Variants in ALDH1A2 observed in about 807,000 individuals in gnomAD.
ALDH1A2 encodes retinal dehydrogenase 2.
A neutral mutation model predicts 60.3 loss-of-function variants in ALDH1A2; 27 were observed. The ratio of observed to expected loss-of-function variants is 0.45; its 90% confidence interval spans 0.33 to 0.62. The LOEUF (loss-of-function observed/expected upper bound fraction) is 0.62, where lower values mean the gene tolerates loss of function less well. Among genes scored for constraint, ALDH1A2 ranks in the 20% least tolerant of loss-of-function variants. The pLI is 0.02. For synonymous variants in ALDH1A2, 289 were observed against 232.4 expected (o/e 1.24, Z -2.21); for missense variants, 581 against 643.8 (o/e 0.90, Z 1.06).
intron 1 of ALDH1A2, among the ~76,000 whole-genome samples, chr15:58,027,247 C>A: frequency 6.6e-6 from 1 of 152,124 alleles, no homozygotes; most frequent in East Asian, 1.9e-4. Context: ...GCTGGTGATA[C>A]CCAGGCAAAC....
At chr15:57,960,635 T>C (rs1893686416) in intron 12 of ALDH1A2, 135 bp downstream of exon 12, 1 of 749,898 alleles carries the variant, frequency 1.3e-6, no homozygotes, top group Non-Finnish European at 2.3e-6. Context: ...ACTTAGCTTA[T>C]AGTAGCATGT....
intron 1 of ALDH1A2, among the ~76,000 whole-genome samples, chr15:58,032,939 G>T (rs533247874): frequency 5.3e-5 from 8 of 151,960 alleles, no homozygotes; most frequent in Non-Finnish European, 8.8e-5. Flanking sequence ...GACAAATATT[G>T]CATGTTCTCA....
intron 1 of ALDH1A2, among the ~76,000 whole-genome samples, chr15:58,029,757 C>A (rs1896181148): frequency 6.6e-6 from 1 of 152,150 alleles, no homozygotes; most frequent in Non-Finnish European, 1.5e-5. Context: ...ATACTATAAA[C>A]ACCTCTATGC....
At chr15:58,063,913 G>A (rs1566965433) in intron 1 of ALDH1A2, among the ~76,000 whole-genome samples, 1 of 152,152 alleles carries the variant, frequency 6.6e-6, no homozygotes, top group African/African-American at 2.4e-5. Flanking sequence ...CCTACTGGGG[G>A]AGAACAAGAG....
rs76557722 is a variant in ALDH1A2, at chr15:57,973,355, T to C, written c.799-7528A>G. Among the ~76,000 whole-genome samples the C allele has an allele frequency of 6.4e-3, 969 of 152,336 alleles. 14 individuals are homozygous for C. Among genetic ancestry groups the C allele is most frequent in the African/African-American group, 0.021 (890 of 41,560 alleles). On this transcript the variant is annotated intron_variant, in intron 7 of 12. Transcript: ENST00000249750. ...TGTTGGCTTTCTAAAGGCCTTTTGC[T>C]TTAGTAAAATGGAAAGCAGCCACCT...
chr15:57,956,674 G>A (rs538131962), intron 12 of ALDH1A2, among the ~76,000 whole-genome samples: 1 of 152,238 alleles, frequency 6.6e-6, no homozygotes, highest in Non-Finnish European at 1.5e-5. Context: ...CAGTCTCGGA[G>A]TCTCTTTATT....
rs575581205 is a variant in ALDH1A2, at chr15:58,034,464, T to C, written c.118-20183A>G. 5.3e-5 allele frequency among the ~76,000 whole-genome samples: 8 copies of C among 151,824 alleles called. No individual in the cohort carries two copies. In the East Asian group the frequency reaches 1.6e-3, roughly 29 times the overall value. On this transcript the variant is annotated intron_variant, in intron 1 of 12. Transcript: ENST00000249750. The stretch of plus-strand genomic sequence containing the variant: ...CCTTCCCAGTCTGTATACATTTTCT[T>C]TTCTTACTGCATTAACTAGAACTTC...
intron 1 of ALDH1A2, among the ~76,000 whole-genome samples, chr15:58,015,379 T>C (rs2087035112): frequency 6.6e-6 from 1 of 152,248 alleles, no homozygotes; most frequent in Non-Finnish European, 1.5e-5. Context: ...TGAGCCCATG[T>C]AGAAGGAGGC....
chr15:57,968,579 T>A (rs1414288814), intron 7 of ALDH1A2, among the ~76,000 whole-genome samples: 2 of 152,254 alleles, frequency 1.3e-5, no homozygotes, highest in South Asian at 2.1e-4. Context: ...TCAAAGTAGG[T>A]AGGAATATCA....
At chr15:57,986,571 C>CAAAAAAAAAAAAAAAAAAAAAAAAAAACA (rs71116542) in intron 7 of ALDH1A2, among the ~76,000 whole-genome samples, 1 of 82,076 alleles carries the variant, frequency 1.2e-5, no homozygotes, top group Non-Finnish European at 2.2e-5. Context: ...ACAGAAAAGC[C>CAAAAAAAAAAAAAAAAAAAAAAAAAAACA]AAAAAAAAAA....
intron 7 of ALDH1A2, among the ~76,000 whole-genome samples, chr15:57,984,806 A>C (rs1894641649): frequency 6.6e-6 from 1 of 152,228 alleles, no homozygotes; most frequent in Non-Finnish European, 1.5e-5. Flanking sequence ...AATTAGGAAT[A>C]ATACTGCTGT....
intron 7 of ALDH1A2, among the ~76,000 whole-genome samples, chr15:57,983,431 G>C (rs1423067804): frequency 1.3e-5 from 2 of 152,138 alleles, no homozygotes; most frequent in Non-Finnish European, 2.9e-5. Context: ...TCTCCAAAGA[G>C]ATTAATGTTA....
At chr15:57,979,514 C>T (rs1247215935) in intron 7 of ALDH1A2, among the ~76,000 whole-genome samples, 1 of 152,142 alleles carries the variant, frequency 6.6e-6, no homozygotes, top group African/African-American at 2.4e-5. Flanking sequence ...TTGACCCCTT[C>T]TCCTCCACAG....
chr15:58,006,524 G>A (rs1895464034), intron 4 of ALDH1A2, among the ~76,000 whole-genome samples: 1 of 151,794 alleles, frequency 6.6e-6, no homozygotes, highest in South Asian at 2.1e-4. Flanking sequence ...CCCTGGGTAG[G>A]TACACCCATT....
intron 7 of ALDH1A2, among the ~76,000 whole-genome samples, chr15:57,987,301 CTATA>C: frequency 6.6e-6 from 1 of 151,428 alleles, no homozygotes; most frequent in Non-Finnish European, 1.5e-5. Flanking sequence ...TTGATGAAAA[CTATA>C]AACTCACAGA....
intron 7 of ALDH1A2, among the ~76,000 whole-genome samples, chr15:57,985,286 A>T (rs974387498): frequency 1.3e-5 from 2 of 151,968 alleles, no homozygotes; most frequent in Admixed American, 1.3e-4. Flanking sequence ...TTTCTTCCCA[A>T]TTCACTCTAC....
chr15:57,984,343 T>C (rs535404462), intron 7 of ALDH1A2, among the ~76,000 whole-genome samples: 1 of 152,376 alleles, frequency 6.6e-6, no homozygotes, highest in South Asian at 2.1e-4. Flanking sequence ...TTTAATACTT[T>C]GTAAAATTAA....
chr15:57,966,632 T>C (rs1229766393), intron 7 of ALDH1A2, among the ~76,000 whole-genome samples: 1 of 152,206 alleles, frequency 6.6e-6, no homozygotes, highest in Non-Finnish European at 1.5e-5. Flanking sequence ...AGAAGCCCTC[T>C]TCCAAGTGGC....
chr15:58,017,791 T>C (rs1334140636), intron 1 of ALDH1A2, among the ~76,000 whole-genome samples: 1 of 151,854 alleles, frequency 6.6e-6, no homozygotes, highest in African/African-American at 2.4e-5. Context: ...TTATTCTTAC[T>C]TCTGTAAATT....
Sources: gnomAD v4.1 joint callset for allele counts (sites outside exome capture counted in the v4.1 genomes callset) on GRCh38, gnomAD v4.1.1 for gene constraint, MANE v1.5 for transcripts, NCBI Gene and HGNC (gene_info 2026-07-23, HGNC 2026-07-21) for gene names.